The following GRID2 variants were observed in gnomAD, a reference collection of about 807,000 sequenced individuals.
The protein encoded by GRID2 is glutamate ionotropic receptor delta type subunit 2.
Under a neutral mutation model 114.8 loss-of-function variants are expected in GRID2, and 33 were observed. That is an observed-to-expected ratio of 0.29 (90% CI 0.22 to 0.38). The LOEUF is 0.38. Among genes scored for constraint, GRID2 ranks in the 10% least tolerant of loss-of-function variants. The probability of loss-of-function intolerance (pLI) is 1.00; values close to 1 mark genes in which losing one functional copy is unlikely to be tolerated. For synonymous variants in GRID2, 505 were observed against 449.9 expected, an observed-to-expected ratio of 1.12 and a Z score of -1.55; for missense variants, 1,184 against 1,257.7, an observed-to-expected ratio of 0.94 and a Z score of 0.89.
At chr4:92,328,252 G>T (rs770340920) in intron 1 of GRID2, among the ~76,000 whole-genome samples, 34 of 152,010 alleles carry the variant, frequency 2.2e-4, no homozygotes, top group South Asian at 4.1e-4. Flanking sequence ...CTCTGCAGGA[G>T]TACCAGAGCA....
At chr4:92,948,182 T>C (rs532558578) in intron 2 of GRID2, among the ~76,000 whole-genome samples, 16 of 152,064 alleles carry the variant, frequency 1.1e-4, no homozygotes, top group African/African-American at 3.4e-4. Flanking sequence ...AAATAGTCTA[T>C]GGTTATTTAT....
chr4:92,324,596 GACACAC>G lies in GRID2; in HGVS notation c.88+19873_88+19878del, dbSNP rs34621988. ...TTTTATATACACATACATACATACAGACACACACACACACACACACACACACTGACT... is the reference window on the plus strand; with the variant it reads ...TTTTATATACACATACATACATACAGACACACACACACACACACACTGACT... On this transcript the variant is annotated intron_variant, in intron 1 of 15. Coordinates refer to ENST00000282020, the MANE Select transcript of GRID2 (RefSeq NM_001510.4). Among the ~76,000 whole-genome samples the G allele has an allele frequency of 1.1e-3, 159 of 148,244 alleles. No homozygotes were observed. The Middle Eastern group carries it at 0.014, about 13-fold the overall frequency.
intron 1 of GRID2, among the ~76,000 whole-genome samples, chr4:92,567,786 A>G (rs892491280): frequency 2.0e-5 from 3 of 152,058 alleles, no homozygotes; most frequent in Admixed American, 1.3e-4. Flanking sequence ...ATATTCAATC[A>G]TATAATCGTA....
At chr4:93,574,355 A>G (rs186672774) in intron 13 of GRID2, among the ~76,000 whole-genome samples, 1 of 152,266 alleles carries the variant, frequency 6.6e-6, no homozygotes. Flanking sequence ...TTCAATTTCC[A>G]TCTTATTAAA....
chr4:93,599,041 G>T (rs1175232330), intron 13 of GRID2, among the ~76,000 whole-genome samples: 1 of 152,072 alleles, frequency 6.6e-6, no homozygotes, highest in Non-Finnish European at 1.5e-5. Context: ...ATCATATTCT[G>T]AATTAAACAT....
intron 2 of GRID2, among the ~76,000 whole-genome samples, chr4:93,000,072 G>A (rs1475159100): frequency 1.3e-5 from 2 of 151,522 alleles, no homozygotes; most frequent in Admixed American, 1.3e-4. Flanking sequence ...AAAATATTTT[G>A]TATCCTCAGG....
intron 1 of GRID2, among the ~76,000 whole-genome samples, chr4:92,467,970 T>C (rs1437984895): frequency 1.3e-5 from 2 of 151,924 alleles, no homozygotes; most frequent in African/African-American, 4.8e-5. Context: ...AACTTACCTA[T>C]GACTACATGA....
chr4:92,892,302 A>T (rs955283855), intron 2 of GRID2, among the ~76,000 whole-genome samples: 2 of 151,282 alleles, frequency 1.3e-5, no homozygotes, highest in African/African-American at 2.4e-5. Flanking sequence ...CTATTCTGTT[A>T]AAAAAAAATT....
intron 2 of GRID2, among the ~76,000 whole-genome samples, chr4:92,965,569 T>A (rs2149162887): frequency 6.7e-6 from 1 of 150,184 alleles, no homozygotes; most frequent in African/African-American, 2.4e-5. Context: ...TCTCCAAAAT[T>A]TTGAGAGTAG....
chr4:93,068,514 A>T (rs1728514165), intron 2 of GRID2, among the ~76,000 whole-genome samples: 2 of 152,130 alleles, frequency 1.3e-5, no homozygotes, highest in Non-Finnish European at 1.5e-5. Context: ...ATCACTTGTG[A>T]AAAGAGTTCA....
intron 1 of GRID2, among the ~76,000 whole-genome samples, chr4:92,430,491 T>C (rs1732386296): frequency 6.6e-6 from 1 of 152,196 alleles, no homozygotes; most frequent in Non-Finnish European, 1.5e-5. Context: ...GCCAGTACCA[T>C]GCTGTTCCAG....
intron 14 of GRID2, among the ~76,000 whole-genome samples, chr4:93,765,111 A>G (rs1333901469): frequency 6.6e-6 from 1 of 152,186 alleles, no homozygotes; most frequent in African/African-American, 2.4e-5. Flanking sequence ...CAGGCAGTGC[A>G]TTATATTTTA....
intron 13 of GRID2, among the ~76,000 whole-genome samples, chr4:93,577,947 G>A (rs1002785110): frequency 6.6e-5 from 10 of 152,186 alleles, no homozygotes; most frequent in Non-Finnish European, 1.0e-4. Context: ...TAGAAGAGGC[G>A]TGTTTGTGCC....
chr4:92,546,203 A>G (rs114634960), intron 1 of GRID2, among the ~76,000 whole-genome samples: 201 of 152,300 alleles, frequency 1.3e-3, no homozygotes, highest in Admixed American at 4.6e-3. Context: ...CTCTTTGATT[A>G]ATATATTTAT....
chr4:93,461,014 C>T (rs924392214), intron 11 of GRID2, among the ~76,000 whole-genome samples: 2 of 151,988 alleles, frequency 1.3e-5, no homozygotes, highest in Non-Finnish European at 2.9e-5. Context: ...TTGGAGCACA[C>T]CCAGGAAAAA....
At chr4:93,222,609 T>TC (rs1280473391) in intron 6 of GRID2, among the ~76,000 whole-genome samples, 3 of 151,970 alleles carry the variant, frequency 2.0e-5, no homozygotes, top group African/African-American at 4.8e-5. Flanking sequence ...ATGCTATCCC[T>TC]CACCCCTCCC....
intron 1 of GRID2, among the ~76,000 whole-genome samples, chr4:93,790,360 T>C (rs1043608878): frequency 1.3e-5 from 2 of 152,218 alleles, no homozygotes; most frequent in Non-Finnish European, 2.9e-5. Context: ...TCTACAATGA[T>C]TACTTAGAAT....
intron 8 of GRID2, among the ~76,000 whole-genome samples, chr4:93,340,757 C>A (rs1560517459): frequency 6.6e-6 from 1 of 152,108 alleles, no homozygotes; most frequent in Non-Finnish European, 1.5e-5. Flanking sequence ...GTCTTAGGAG[C>A]AGTAACATTT....
chr4:93,747,554 T>C, intron 14 of GRID2, among the ~76,000 whole-genome samples: 1 of 152,182 alleles, frequency 6.6e-6, no homozygotes, highest in East Asian at 1.9e-4. Context: ...ATGAACTTTA[T>C]GTAATGGGGG....
Sources: allele counts gnomAD v4.1 joint callset (sites outside exome capture counted in the v4.1 genomes callset), GRCh38; gene constraint gnomAD v4.1.1; transcripts MANE v1.5; gene names NCBI Gene and HGNC (gene_info 2026-07-23, HGNC 2026-07-21).